Variants in PRKDC observed in about 807,000 individuals in gnomAD.
PRKDC encodes the protein DNA-dependent protein kinase catalytic subunit.
Under a neutral mutation model 486.9 loss-of-function variants are expected in PRKDC, and 82 were observed. That is an observed-to-expected ratio of 0.17 (90% CI 0.14 to 0.20). The LOEUF (loss-of-function observed/expected upper bound fraction) is 0.20, where lower values mean the gene tolerates loss of function less well. Among genes scored for constraint, PRKDC ranks in the 10% least tolerant of loss-of-function variants. The pLI is 1.00. For missense variants in PRKDC, 4,504 were observed against 5,038.2 expected, an observed-to-expected ratio of 0.89 and a Z score of 3.21; for synonymous variants, 1,895 against 1,837.0, an observed-to-expected ratio of 1.03 and a Z score of -0.81.
In PRKDC at chr8:47,957,237, T is replaced by C; in HGVS notation, c.258A>G (p.Leu86=). The change falls in exon 3 of 86, where the codon CTA becomes CTG. Residue 86 remains leucine, a synonymous_variant. Transcript: ENST00000314191. ...IEFRECREEI[L]KFLCIFLEKM... is the part of the protein sequence containing the mutation. ...TTTCTAAGAAAATACATAAAAACTT[T>C]AGGATTTCTTCTCTACATTCACGAA... 1.2e-6 allele frequency: 2 copies of C among 1,601,714 alleles called. No homozygotes were observed. Among genetic ancestry groups the C allele is most frequent in the Non-Finnish European group, 1.7e-6 (2 of 1,170,794 alleles).
In PRKDC at chr8:47,798,355, A is replaced by G; in HGVS notation, c.10340T>C (p.Val3447Ala). The change falls in exon 73 of 86, where the codon GTG (valine) becomes GCG (alanine). Residue 3447 changes from valine to alanine, a missense_variant. Transcript: ENST00000314191. Reference sequence around the variant, plus strand: ...TTTTAAAGCTTTCAACATTTTCTCCACCACAAGTGCTGGATACGCCTGCAG... The same window carrying G: ...TTTTAAAGCTTTCAACATTTTCTCCGCCACAAGTGCTGGATACGCCTGCAG... ...AELQAYPALV[V>A]EKMLKALKLN... 1.2e-6 allele frequency: 2 copies of G among 1,611,658 alleles called. No homozygotes were observed. Among genetic ancestry groups the G allele is most frequent in the Non-Finnish European group, 1.7e-6 (2 of 1,179,030 alleles).
chr8:47,939,808 C>T (rs2090413284), intron 10 of PRKDC, 111 bp from the exon 11 acceptor site: 4 of 947,262 alleles, frequency 4.2e-6, no homozygotes, highest in South Asian at 4.4e-5. Context: ...GTTATAGTTA[C>T]ACGCAATTGC....
intron 76 of PRKDC, among the ~76,000 whole-genome samples, chr8:47,788,646 A>G (rs568685870): frequency 1.3e-5 from 2 of 152,338 alleles, no homozygotes; most frequent in African/African-American, 4.8e-5. Context: ...TGTAACTTTC[A>G]GATCTAAAAA....
chr8:47,794,594 A>C, intron 73 of PRKDC, 93 bp from the exon 74 acceptor site: 1 of 1,167,442 alleles, frequency 8.6e-7, no homozygotes, highest in Non-Finnish European at 1.2e-6. Context: ...AAAACTCAGA[A>C]GTATAAAAAC....
At chr8:47,883,974 T>C (rs960494584) in intron 36 of PRKDC, among the ~76,000 whole-genome samples, 6 of 152,256 alleles carry the variant, frequency 3.9e-5, no homozygotes, top group Non-Finnish European at 8.8e-5. Context: ...CTATGATGCC[T>C]GCATCTTTAT....
chr8:47,895,816 A>G (rs1228812389), intron 30 of PRKDC, among the ~76,000 whole-genome samples: 1 of 152,174 alleles, frequency 6.6e-6, no homozygotes, highest in Non-Finnish European at 1.5e-5. Context: ...AGAGGCTGGC[A>G]GATTACGAGG....
At chr8:47,929,466 GA>G (rs1311287966) in intron 18 of PRKDC, among the ~76,000 whole-genome samples, 9 of 152,318 alleles carry the variant, frequency 5.9e-5, no homozygotes, top group Middle Eastern at 6.8e-3. Context: ...TGACTGACTG[GA>G]GCGTCGAGAA....
chr8:47,799,158 T>A, intron 72 of PRKDC, 52 bp downstream of exon 72: 1 of 1,601,280 alleles, frequency 6.2e-7, no homozygotes, highest in East Asian at 2.2e-5. Context: ...ACAAAATTCA[T>A]AAGACTTTAT....
chr8:47,794,527 G>C, intron 73 of PRKDC, 26 bp from the exon 74 acceptor site: 2 of 1,524,054 alleles, frequency 1.3e-6, no homozygotes, highest in Non-Finnish European at 1.8e-6. Context: ...GAAACTTAAT[G>C]CTGAGTAAAA....
At chr8:47,858,405 T>TTG in intron 48 of PRKDC, 111 bp downstream of exon 48, 1 of 1,114,016 alleles carries the variant, frequency 9.0e-7, no homozygotes, top group African/African-American at 1.6e-5. Flanking sequence ...TTTTCCTTTT[T>TTG]TGTGTGTGTT....
intron 21 of PRKDC, among the ~76,000 whole-genome samples, chr8:47,919,101 CCA>C (rs2090034173): frequency 6.6e-6 from 1 of 152,110 alleles, no homozygotes; most frequent in African/African-American, 2.4e-5. Flanking sequence ...GGACAGTCTC[CCA>C]CACAACTGCC....
chr8:47,952,379 A>C (rs2090638786), intron 7 of PRKDC, among the ~76,000 whole-genome samples: 1 of 152,240 alleles, frequency 6.6e-6, no homozygotes, highest in Admixed American at 6.5e-5. Context: ...GCTACATACC[A>C]TGAGTTCATC....
chr8:47,786,827 T>C (rs1482429990), intron 76 of PRKDC, among the ~76,000 whole-genome samples: 1 of 148,604 alleles, frequency 6.7e-6, no homozygotes, highest in Non-Finnish European at 1.5e-5. Context: ...CCTCCTGGGT[T>C]CAAGTGATTC....
chr8:47,949,512 A>G (rs1160883765), intron 7 of PRKDC, among the ~76,000 whole-genome samples: 3 of 152,234 alleles, frequency 2.0e-5, no homozygotes, highest in East Asian at 1.9e-4. Context: ...CTTCCACTAT[A>G]TATGTTCACT....
intron 77 of PRKDC, among the ~76,000 whole-genome samples, chr8:47,784,522 A>AT (rs2086758407): frequency 6.6e-6 from 1 of 152,240 alleles, no homozygotes; most frequent in African/African-American, 2.4e-5. Context: ...TGAAATGAGA[A>AT]TATGAACAAC....
At position 47,918,771 on chromosome 8, in the gene PRKDC, C is replaced by T. The variant is rs12679087; in HGVS notation, c.2420-388G>A. On this transcript the variant is annotated intron_variant, in intron 21 of 85. Coordinates refer to ENST00000314191, the MANE Select transcript of PRKDC (RefSeq NM_006904.7). ...CTTACTAATACAGATAAATAAATAA[C>T]GGGGAAAATTGTTTCTTGCAGTAGA... Among the ~76,000 whole-genome samples the T allele has an allele frequency of 7.9e-5, 12 of 152,066 alleles. No homozygotes were observed. In the East Asian group the frequency reaches 1.5e-3, roughly 20 times the overall value.
intron 73 of PRKDC, among the ~76,000 whole-genome samples, chr8:47,795,955 C>T (rs976028417): frequency 1.2e-4 from 18 of 149,006 alleles, no homozygotes; most frequent in Non-Finnish European, 2.2e-4. Context: ...AGTGCAGTGG[C>T]GCCATCTCGG....
rs1395770181 is a variant in PRKDC, at chr8:47,807,326, T to A, written c.9558A>T (p.Arg3186=). 6.5e-7 allele frequency: 1 copy of A among 1,541,874 alleles called. No individual in the cohort carries two copies. The highest frequency in any genetic ancestry group is 8.7e-7 in the Non-Finnish European group (1 of 1,142,860). The part of the protein sequence containing the change: ...MNIWDDIITN[R]CFFLSKIEEK... ...CCTCTATTTTGCTGAGAAAGAAACA[T>A]CTACACAAAGAAAAATGAGACAATG... The change falls in exon 69 of 86, where the codon CGA becomes CGT. Residue 3186 remains arginine, a splice_region_variant and synonymous_variant. Coordinates refer to ENST00000314191, the MANE Select transcript of PRKDC (RefSeq NM_006904.7).
Position 47,820,803 on chromosome 8 carries a change from T to C in PRKDC, c.9252A>G (p.Gln3084=), listed in dbSNP as rs778055707. ...GCAGGAGGTAAAGCAGACTCAGCTC[T>C]TGACTGTAATGAAGCTCTAGAATCG... ...QKAILELHYS[Q]ELSLLYLLQD... is the part of the protein sequence containing the mutation. The change falls in exon 66 of 86, where the codon CAA becomes CAG. Residue 3084 remains glutamine (Q), a synonymous_variant. Coordinates refer to ENST00000314191, the MANE Select transcript of PRKDC (RefSeq NM_006904.7). 6.2e-7 allele frequency: 1 copy of C among 1,613,280 alleles called. No homozygotes were observed. The highest frequency in any genetic ancestry group is 1.3e-5 in the African/African-American group (1 of 75,040).
Sources: allele counts gnomAD v4.1 joint callset (sites outside exome capture counted in the v4.1 genomes callset), GRCh38; gene constraint gnomAD v4.1.1; transcripts MANE v1.5; gene names NCBI Gene and HGNC (gene_info 2026-07-23, HGNC 2026-07-21).